Variants in RELN observed in about 807,000 individuals in gnomAD.
RELN encodes reelin.
RELN carries 108 observed loss-of-function variants against 427.6 expected under a neutral mutation model. The ratio of observed to expected loss-of-function variants is 0.25; its 90% CI spans 0.22 to 0.30. RELN has a LOEUF of 0.30. Among genes scored for constraint, RELN ranks in the 10% least tolerant of loss-of-function variants. The pLI is 1.00. For missense variants in RELN, 3,715 were observed against 4,302.8 expected (o/e 0.86, Z 3.82); for synonymous variants, 1,524 against 1,513.4 (o/e 1.01, Z -0.16).
chr7:103,947,460 T>C (rs1472221240), intron 1 of RELN, among the ~76,000 whole-genome samples: 1 of 152,130 alleles, frequency 6.6e-6, no homozygotes, highest in East Asian at 1.9e-4. Flanking sequence ...ATGACAGACA[T>C]GCATAAAAGG....
In RELN at chr7:103,535,426, G is replaced by A; in HGVS notation, c.7239C>T (p.Asp2413=). The change falls in exon 46 of 65, where the codon GAC becomes GAT. Residue 2413 remains aspartate, a synonymous_variant. Transcript: ENST00000428762. The part of the protein sequence containing the change: ...LGLSWHPLVR[D]CLPTNVECSR... ...TGCATTCCACATTGGTAGGCAGACA[G>A]TCCCTTACCAATGGGTGCCATGACA... The A allele has an allele frequency of 6.2e-7, 1 of 1,613,842 alleles. No individual in the cohort carries two copies. The highest frequency in any genetic ancestry group is 8.5e-7 in the Non-Finnish European group (1 of 1,179,732).
chr7:103,650,345 A>G lies in RELN; in HGVS notation c.1931T>C (p.Leu644Pro). 6.2e-7 allele frequency: 1 copy of G among 1,613,018 alleles called. No individual in the cohort carries two copies. The highest frequency in any genetic ancestry group is 8.5e-7 in the Non-Finnish European group (1 of 1,179,306). ...RITIPLPNAA[L>P]TRNTRIRWRQ... ...CCAGCGAATCCTGGTGTTCCGGGTT[A>G]GTGCTGCGTTAGGAAGGGGAATTGT... The change falls in exon 16 of 65, where the codon CTA becomes CCA. Residue 644 changes from leucine to proline, a missense_variant. Leu to Pro is a moderately conservative substitution (Grantham distance 98, BLOSUM62 -3). Transcript: ENST00000428762.
In RELN at chr7:103,490,879, A is replaced by C. The variant is rs1177180785; in HGVS notation, c.9444-50T>G. ...AGACAAATTGTAAGAGAAACATATA[A>C]TCTGTTAATGTCAAGGTAATGCTTT... On this transcript the variant is annotated intron_variant, in intron 58 of 64. Transcript: ENST00000428762. 2.5e-6 allele frequency: 4 copies of C among 1,583,202 alleles called. No homozygotes were observed. The African/African-American group carries it at 5.4e-5, about 21-fold the overall frequency.
intron 10 of RELN, among the ~76,000 whole-genome samples, chr7:103,684,126 G>A (rs1023731610): frequency 2.6e-5 from 4 of 152,140 alleles, no homozygotes; most frequent in Admixed American, 2.0e-4. Flanking sequence ...AGAGCAACGG[G>A]TGTACTGAGT....
chr7:103,681,633 T>C lies in RELN; in HGVS notation c.1289+483A>G, dbSNP rs1833654175. On this transcript the variant is annotated intron_variant, in intron 11 of 64. Coordinates refer to ENST00000428762, the MANE Select transcript of RELN (RefSeq NM_005045.4). ...AATGCTCACAGCTTCAGGTCTCCTC[T>C]ATTTCAACCTCAGTCCCAAATTCCC... Among the ~76,000 whole-genome samples the C allele has an allele frequency of 2.0e-5, 3 of 152,136 alleles. No individual in the cohort carries two copies. The South Asian group carries it at 6.2e-4, about 31-fold the overall frequency.
rs1415554181 is a variant in RELN, at chr7:103,569,789, C to A, written c.4588+2395G>T. Among the ~76,000 whole-genome samples the A allele has an allele frequency of 1.3e-5, 2 of 152,180 alleles. No homozygotes were observed. The highest frequency in any genetic ancestry group is 2.4e-5 in the African/African-American group (1 of 41,430). ...ACATATCTCATATCACTTGCTGAAC[C>A]TCATTAGCCATGTCATCTAACACAC... is the stretch of plus-strand genomic sequence containing the variant. On this transcript the variant is annotated intron_variant, in intron 31 of 64. Coordinates refer to ENST00000428762, the MANE Select transcript of RELN (RefSeq NM_005045.4). The surrounding 1 kb of genome is among the most constrained non-coding windows in gnomAD (Gnocchi z 4.0).
intron 28 of RELN, among the ~76,000 whole-genome samples, chr7:103,578,434 G>A (rs1465680434): frequency 2.6e-5 from 4 of 152,224 alleles, no homozygotes; most frequent in African/African-American, 9.6e-5. Context: ...GTATTTCAGA[G>A]TGAAAGGGCA....
chr7:103,555,749 A>G (rs2117164532), intron 38 of RELN, among the ~76,000 whole-genome samples: 1 of 152,320 alleles, frequency 6.6e-6, no homozygotes, highest in South Asian at 2.1e-4. Context: ...CTGGGATTAC[A>G]GTTGTGAGCC....
chr7:103,929,628 T>C (rs1018157674), intron 1 of RELN, among the ~76,000 whole-genome samples: 1 of 152,196 alleles, frequency 6.6e-6, no homozygotes, highest in Non-Finnish European at 1.5e-5. Context: ...ATATAACTAG[T>C]GCCTGAAGCA....
At chr7:103,662,967 CATG>C (rs1833177669) in intron 11 of RELN, among the ~76,000 whole-genome samples, 1 of 152,118 alleles carries the variant, frequency 6.6e-6, no homozygotes, top group Non-Finnish European at 1.5e-5. Flanking sequence ...CGCCTTGTAC[CATG>C]TCTCTTCTGC....
In RELN at chr7:103,689,466, G is replaced by A. The variant is rs183065720; in HGVS notation, c.1144-7205C>T. Among the ~76,000 whole-genome samples, 13 of 152,088 alleles carry A rather than the reference G, an allele frequency of 8.5e-5. No individual in the cohort carries two copies. In the East Asian group the frequency reaches 2.3e-3, roughly 27 times the overall value. On this transcript the variant is annotated intron_variant, in intron 10 of 64. Transcript: ENST00000428762. ...ATATAAACATTTATTAACTGTGAGTGAGCAAAGCACTTTTTCTCTTTTGAA... is the reference window on the plus strand; with the variant it reads ...ATATAAACATTTATTAACTGTGAGTAAGCAAAGCACTTTTTCTCTTTTGAA...
chr7:103,514,329 G>A (rs537217129), intron 50 of RELN, among the ~76,000 whole-genome samples: 47 of 152,190 alleles, frequency 3.1e-4, no homozygotes, highest in African/African-American at 1.1e-3. Flanking sequence ...AAGATGACCA[G>A]AATAGTGTCA....
At chr7:103,870,824 G>T (rs1233231052) in intron 2 of RELN, among the ~76,000 whole-genome samples, 5 of 152,084 alleles carry the variant, frequency 3.3e-5, no homozygotes, top group Non-Finnish European at 5.9e-5. Flanking sequence ...AAGAACTCAT[G>T]AGCAATATCC....
At chr7:103,972,131 A>G (rs1468238112) in intron 1 of RELN, among the ~76,000 whole-genome samples, 2 of 152,184 alleles carry the variant, frequency 1.3e-5, no homozygotes, top group East Asian at 1.9e-4. Context: ...TGTTGTATGT[A>G]TTATCTAAAA....
rs115341368 is a variant in RELN, at chr7:103,915,042, C to T, written c.337+2033G>A. On this transcript the variant is annotated intron_variant, in intron 2 of 64. Transcript: ENST00000428762. ...ACTTACAATATCCTGAATGGTCTGGCTCTAGTCTCCTATCTAGCCGTATCC... is the reference window on the plus strand; with the variant it reads ...ACTTACAATATCCTGAATGGTCTGGTTCTAGTCTCCTATCTAGCCGTATCC... 3.0e-3 allele frequency among the ~76,000 whole-genome samples: 458 copies of T among 152,226 alleles called. 4 individuals carry two copies. Among genetic ancestry groups the T allele is most frequent in the African/African-American group, 0.01 (416 of 41,544 alleles).
At chr7:103,540,073 C>G in intron 44 of RELN, 124 bp downstream of exon 44, 1 of 1,067,682 alleles carries the variant, frequency 9.4e-7, no homozygotes, top group South Asian at 1.3e-5. Flanking sequence ...TGCCCTTGGG[C>G]AAGTCACTCA....
At chr7:103,775,174 T>C (rs1215633172) in intron 4 of RELN, among the ~76,000 whole-genome samples, 1 of 152,202 alleles carries the variant, frequency 6.6e-6, no homozygotes, top group Non-Finnish European at 1.5e-5. Context: ...CTATGTGGTG[T>C]TCTATATTTT....
intron 8 of RELN, among the ~76,000 whole-genome samples, chr7:103,708,515 C>G (rs1292241377): frequency 1.4e-5 from 2 of 141,870 alleles, no homozygotes; most frequent in Non-Finnish European, 1.5e-5. Context: ...CCAGGTTGGA[C>G]TGCAGTGGCG....
chr7:103,728,970 G>A (rs1299179224), intron 6 of RELN, among the ~76,000 whole-genome samples: 1 of 152,044 alleles, frequency 6.6e-6, no homozygotes, highest in Non-Finnish European at 1.5e-5. Flanking sequence ...TAAAATCTTA[G>A]GACAGGATCT....
Sources: gnomAD v4.1 joint callset for allele counts (sites outside exome capture counted in the v4.1 genomes callset) on GRCh38, gnomAD v4.1.1 for gene constraint, Gnocchi (gnomAD v3.1) non-coding constraint, MANE v1.5 for transcripts, NCBI Gene and HGNC (gene_info 2026-07-23, HGNC 2026-07-21) for gene names.